MYO9B: variants seen among roughly 807,000 people sequenced by gnomAD.
MYO9B encodes unconventional myosin-IXb.
In MYO9B, 71 loss-of-function variants were observed where a neutral mutation model predicts 229.5. The ratio of observed to expected loss-of-function variants is 0.31; its 90% confidence interval spans 0.26 to 0.38. MYO9B has a LOEUF of 0.38. MYO9B is among the 10% of genes least tolerant of loss of function. The probability of loss-of-function intolerance (pLI) is 1.00; values close to 1 mark genes in which losing one functional copy is unlikely to be tolerated. For missense variants in MYO9B, 2,255 were observed against 2,920.5 expected (o/e 0.77, Z 5.25); for synonymous variants, 1,185 against 1,235.8 (o/e 0.96, Z 0.86).
chr19:17,212,290 TC>T lies in MYO9B; in HGVS notation c.6455del (p.Ser2152TrpfsTer11). On this transcript the variant is annotated frameshift_variant, in exon 40 of 40. Coordinates refer to ENST00000682292, the MANE Select transcript of MYO9B (RefSeq NM_004145.4). LOFTEE classifies it high-confidence loss of function. This position sits in a 1 kb window ranked among gnomAD's most constrained non-coding sequence, Gnocchi z 5.4. ...CCCAACGTACTGCCTGCCCCCCGCC[TC>T]GGGCCAGACCAATGGCTGAGAGCCA... ...DPPTYCLPPA[S>X]GQTNG 1 of 1,528,922 alleles carries T rather than the reference TC, an allele frequency of 6.5e-7. No homozygotes were observed. The highest frequency in any genetic ancestry group is 8.7e-7 in the Non-Finnish European group (1 of 1,146,266). 94.7% of individuals were successfully genotyped at this position (1,528,922 alleles called of 1,614,324 possible). A position where few individuals can be genotyped will look rare whatever the true frequency, so the allele number is the denominator to read the frequency against.
intron 35 of MYO9B, chr19:17,207,842 C>G (rs1240938916): frequency 6.6e-6 from 1 of 152,162 alleles, no homozygotes; most frequent in East Asian, 1.9e-4. Context: ...GAAATCCTGT[C>G]TCTACTAAAA....
intron 2 of MYO9B, among the ~76,000 whole-genome samples, chr19:17,131,719 C>T (rs1244655921): frequency 6.6e-6 from 1 of 152,174 alleles, no homozygotes; most frequent in African/African-American, 2.4e-5. Context: ...CCCCACTGGG[C>T]CCACACCTAG....
At chr19:17,116,160 T>C (rs1354736507) in intron 2 of MYO9B, among the ~76,000 whole-genome samples, 1 of 152,016 alleles carries the variant, frequency 6.6e-6, no homozygotes, top group African/African-American at 2.4e-5. Context: ...TCTTGAAGGG[T>C]TTCCAGCTGC....
At chr19:17,091,548 A>G (rs749279518) in intron 1 of MYO9B, among the ~76,000 whole-genome samples, 2 of 152,186 alleles carry the variant, frequency 1.3e-5, no homozygotes, top group Non-Finnish European at 2.9e-5. Context: ...CTCTACTAAA[A>G]ATACAAAAAT....
intron 26 of MYO9B, 62 bp from the exon 27 acceptor site, chr19:17,201,864 C>T (rs2073109539): frequency 1.5e-6 from 2 of 1,303,412 alleles, no homozygotes; most frequent in East Asian, 4.8e-5. Flanking sequence ...CCTTGGGCAC[C>T]TCCTCGGGTA....
intron 2 of MYO9B, among the ~76,000 whole-genome samples, chr19:17,134,641 G>A (rs2072247093): frequency 6.6e-6 from 1 of 151,782 alleles, no homozygotes; most frequent in Admixed American, 6.6e-5. Context: ...GCCCACCTTG[G>A]CCTCCCAAAG....
intron 2 of MYO9B, among the ~76,000 whole-genome samples, chr19:17,124,488 A>G (rs888514189): frequency 1.3e-5 from 2 of 152,142 alleles, no homozygotes; most frequent in Non-Finnish European, 2.9e-5. Flanking sequence ...AGATACAAAC[A>G]CAGCTGGGCG....
chr19:17,175,733 A>G lies in MYO9B; in HGVS notation c.2211A>G (p.Lys737=). The G allele has an allele frequency of 6.4e-7, 1 of 1,573,100 alleles. No individual in the cohort carries two copies. Among genetic ancestry groups the G allele is most frequent in the Non-Finnish European group, 8.6e-7 (1 of 1,159,280 alleles). Residue 737 remains lysine (K), a synonymous_variant, in exon 14 of 40, where the codon AAA becomes AAG. Transcript: ENST00000682292. ...GAGGAGCCAGCACCCCTTCGGAAAAACTTTACCGGTGAGCAAGACCCTGAT... is the reference window on the plus strand; with the variant it reads ...GAGGAGCCAGCACCCCTTCGGAAAAGCTTTACCGGTGAGCAAGACCCTGAT... ...LPRGASTPSE[K]LYRDLHNQMI...
At chr19:17,209,908 CCCTT>C (rs1466518936) in intron 36 of MYO9B, among the ~76,000 whole-genome samples, 199 bp downstream of exon 36, 3 of 152,080 alleles carry the variant, frequency 2.0e-5, no homozygotes, top group Non-Finnish European at 2.9e-5. Flanking sequence ...GGCGGGGCCT[CCCTT>C]CCCAGTTCCC....
intron 2 of MYO9B, among the ~76,000 whole-genome samples, chr19:17,121,731 A>ATT (rs1234049151): frequency 3.9e-5 from 6 of 152,200 alleles, no homozygotes; most frequent in Admixed American, 3.9e-4. Context: ...CACGCCGATA[A>ATT]TTCCAGCACT....
chr19:17,209,608 G>C lies in MYO9B; in HGVS notation c.5647G>C (p.Glu1883Gln). Residue 1883 changes from glutamate to glutamine, a missense_variant, in exon 36 of 40, where the codon GAG becomes CAG. Physicochemically the swap from Glu to Gln is conservative, Grantham distance 29 (BLOSUM62 2). This residue lies in a region of MYO9B where 416 missense variants were observed against 605.5 expected (regional missense o/e 0.69). Transcript: ENST00000682292. ...TAGGTGCGTGGAGATGCTGATCAAG[G>C]AGCAGATGAGGAAATACAAAGTGAA... ...ITTCVEMLIK[E>Q]QMRKYKVKME... 4 of 1,600,428 alleles carry C rather than the reference G, an allele frequency of 2.5e-6. No individual in the cohort carries two copies. The highest frequency in any genetic ancestry group is 3.4e-6 in the Non-Finnish European group (4 of 1,173,672).
At chr19:17,113,433 G>GT (rs1568668475) in intron 2 of MYO9B, among the ~76,000 whole-genome samples, 1 of 152,192 alleles carries the variant, frequency 6.6e-6, no homozygotes, top group Non-Finnish European at 1.5e-5. Context: ...GCTCTCAGGA[G>GT]TTTCCCCCCT....
At chr19:17,206,923 A>G in intron 34 of MYO9B, 139 bp downstream of exon 34, 1 of 1,210,270 alleles carries the variant, frequency 8.3e-7, no homozygotes, top group Non-Finnish European at 1.2e-6. Context: ...GGGTTCTGGG[A>G]GGGGGCCAGG....
chr19:17,198,958 T>C (rs571553294), intron 24 of MYO9B, among the ~76,000 whole-genome samples: 1 of 152,078 alleles, frequency 6.6e-6, no homozygotes. Context: ...CTCAACACTT[T>C]GGGAGGCCAA....
intron 6 of MYO9B, 27 bp downstream of exon 6, chr19:17,154,442 T>G: frequency 6.4e-7 from 1 of 1,574,484 alleles, no homozygotes; most frequent in South Asian, 1.1e-5. Flanking sequence ...CCGGGGCCTG[T>G]CCCCCAGAGC....
intron 8 of MYO9B, among the ~76,000 whole-genome samples, chr19:17,161,645 G>A (rs540822886): frequency 3.3e-5 from 5 of 151,518 alleles, no homozygotes; most frequent in South Asian, 2.1e-4. Context: ...GCAAAACCCC[G>A]TTTCTACTAA....
At chr19:17,201,056 G>A (rs1183885525) in intron 26 of MYO9B, among the ~76,000 whole-genome samples, 1 of 152,200 alleles carries the variant, frequency 6.6e-6, no homozygotes, top group Non-Finnish European at 1.5e-5. Context: ...CTGGGCAACA[G>A]AGAGACCCCA....
intron 24 of MYO9B, among the ~76,000 whole-genome samples, chr19:17,198,923 G>A (rs77436439): frequency 0.018 from 2,751 of 152,196 alleles, 192 homozygotes; most frequent in East Asian, 0.13. Flanking sequence ...GTGGCTGAAT[G>A]GATGCAGTAG....
intron 17 of MYO9B, among the ~76,000 whole-genome samples, chr19:17,185,366 T>C (rs1599403954): frequency 7.7e-6 from 1 of 130,368 alleles, no homozygotes; most frequent in African/African-American, 3.0e-5. Context: ...AGAGCAAGAC[T>C]CCATCTCAAA....
Sources: allele counts gnomAD v4.1 joint callset (sites outside exome capture counted in the v4.1 genomes callset), GRCh38; gene constraint gnomAD v4.1.1; regional missense constraint gnomAD v4.1.1; non-coding constraint Gnocchi (gnomAD v3.1); transcripts MANE v1.5; gene names NCBI Gene and HGNC (gene_info 2026-07-23, HGNC 2026-07-21).